The following WDFY4 variants were observed in gnomAD, a reference collection of about 807,000 sequenced individuals.
WDFY4 encodes the protein WD repeat- and FYVE domain-containing protein 4.
A neutral mutation model predicts 351.9 loss-of-function variants in WDFY4; 169 were observed. The observed-to-expected ratio is 0.48, with a 90% CI of 0.42 to 0.55. The LOEUF (loss-of-function observed/expected upper bound fraction) is 0.55. Among genes scored for constraint, WDFY4 ranks in the 20% least tolerant of loss-of-function variants. The pLI, the probability that WDFY4 is intolerant of heterozygous loss-of-function variation, is 0.00. For missense variants in WDFY4, 3,803 were observed against 3,935.6 expected (o/e 0.97, Z 0.90); for synonymous variants, 1,622 against 1,574.6 (o/e 1.03, Z -0.71).
rs934680619 is a variant in WDFY4, at chr10:48,943,353, G to A, written c.7653G>A (p.Glu2551=). 1.9e-6 allele frequency: 3 copies of A among 1,551,684 alleles called. No individual in the cohort carries two copies. The highest frequency in any genetic ancestry group is 2.6e-6 in the Non-Finnish European group (3 of 1,146,982). The change falls in exon 49 of 62, where the codon GAG becomes GAA. Residue 2551 remains glutamate (E), a synonymous_variant. Coordinates refer to ENST00000325239, the MANE Select transcript of WDFY4 (RefSeq NM_001394531.1). ...AGAAAAGGGACATCAGCAATTTTGA[G>A]TATCTCATGTACCTCAACACCGCGG... is the stretch of plus-strand genomic sequence containing the variant. ...KWQKRDISNF[E]YLMYLNTAAG...
chr10:48,974,661 A>G (rs1842488872), intron 57 of WDFY4, among the ~76,000 whole-genome samples: 1 of 152,094 alleles, frequency 6.6e-6, no homozygotes, highest in Admixed American at 6.6e-5. Context: ...CCACCCCTGG[A>G]GATGAATGAA....
At position 48,717,171 on chromosome 10, in the gene WDFY4, TGTAA is replaced by T. The variant is rs1485974581; in HGVS notation, c.235-2837_235-2834del. Among the ~76,000 whole-genome samples the T allele has an allele frequency of 2.6e-5, 4 of 152,236 alleles. No individual in the cohort carries two copies. In the South Asian group the frequency reaches 6.2e-4, roughly 24 times the overall value. ...TAATGTATGGAAGTGTAATGCATAG[TGTAA>T]GTGTTTGGCATGGCACTGAGGCCCA... On this transcript the variant is annotated intron_variant, in intron 2 of 61. Coordinates refer to ENST00000325239, the MANE Select transcript of WDFY4 (RefSeq NM_001394531.1).
intron 47 of WDFY4, among the ~76,000 whole-genome samples, chr10:48,921,284 A>G (rs1364973043): frequency 6.6e-6 from 1 of 151,102 alleles, no homozygotes; most frequent in African/African-American, 2.4e-5. Flanking sequence ...AATGGAACAG[A>G]AAATAGAGTC....
intron 52 of WDFY4, among the ~76,000 whole-genome samples, chr10:48,957,743 G>A (rs1299071870): frequency 2.0e-5 from 3 of 152,220 alleles, no homozygotes; most frequent in African/African-American, 7.2e-5. Flanking sequence ...TGGGATCCCA[G>A]GGCAGCTGGA....
In WDFY4 at chr10:48,780,131, C is replaced by T. The variant is rs1481588020; in HGVS notation, c.3576+12C>T. On this transcript the variant is annotated intron_variant, in intron 19 of 61. Coordinates refer to ENST00000325239, the MANE Select transcript of WDFY4 (RefSeq NM_001394531.1). ...TTGGCTCTGCCAAGGTGAGATGGCT[C>T]CTCCAAGCTGCACTTGCCCCACAAC... 2 of 1,551,570 alleles carry T rather than the reference C, an allele frequency of 1.3e-6. No homozygotes were observed. Among genetic ancestry groups the T allele is most frequent in the South Asian group, 1.2e-5 (1 of 84,028 alleles).
At chr10:48,776,618 T>C in intron 15 of WDFY4, 132 bp from the exon 16 acceptor site, 1 of 898,244 alleles carries the variant, frequency 1.1e-6, no homozygotes, top group South Asian at 1.8e-5. Context: ...CCCTCGCTGG[T>C]GCTTAGGAAG....
chr10:48,837,069 C>T (rs1264039641), intron 39 of WDFY4, among the ~76,000 whole-genome samples: 1 of 152,058 alleles, frequency 6.6e-6, no homozygotes, highest in Non-Finnish European at 1.5e-5. Context: ...GATGAAAACT[C>T]TCTACTATCT....
chr10:48,870,069 C>T (rs913556880), intron 40 of WDFY4, among the ~76,000 whole-genome samples: 1 of 152,168 alleles, frequency 6.6e-6, no homozygotes, highest in Non-Finnish European at 1.5e-5. Flanking sequence ...GGGGGTGGTG[C>T]CTGTTGGCCC....
chr10:48,756,394 T>A (rs1057361586), intron 12 of WDFY4, among the ~76,000 whole-genome samples: 55 of 92,880 alleles, frequency 5.9e-4, no homozygotes, highest in Non-Finnish European at 1.5e-3. Context: ...AATTATTAGT[T>A]CTAGAAGTTT....
At chr10:48,834,090 A>G (rs7080043) in intron 39 of WDFY4, among the ~76,000 whole-genome samples, 3 of 152,240 alleles carry the variant, frequency 2.0e-5, no homozygotes, top group African/African-American at 7.2e-5. Context: ...CTAAGGGCAA[A>G]GCACATGTCT....
intron 47 of WDFY4, among the ~76,000 whole-genome samples, chr10:48,939,722 A>G (rs1214408749): frequency 6.6e-6 from 1 of 152,236 alleles, no homozygotes; most frequent in Non-Finnish European, 1.5e-5. Flanking sequence ...TTTTAAAACA[A>G]TATTTTTAAA....
chr10:48,945,941 A>G (rs1162695142), intron 49 of WDFY4, 99 bp from the exon 50 acceptor site: 1 of 814,608 alleles, frequency 1.2e-6, no homozygotes, highest in Admixed American at 3.8e-5. Context: ...AGACCAAATG[A>G]CTGTAAATCA....
intron 47 of WDFY4, among the ~76,000 whole-genome samples, chr10:48,923,520 A>ATATATATATATATATAT (rs1839305652): frequency 3.0e-5 from 3 of 99,766 alleles, no homozygotes; most frequent in Non-Finnish European, 4.7e-5. Context: ...ATATGTCCCA[A>ATATATATATATATATAT]ATACCGCATA....
chr10:48,695,339 G>A (rs950223302), intron 1 of WDFY4, among the ~76,000 whole-genome samples: 12 of 152,312 alleles, frequency 7.9e-5, no homozygotes, highest in African/African-American at 2.9e-4. Context: ...AACTATGCAA[G>A]TCCAGCCAGG....
intron 22 of WDFY4, 110 bp from the exon 23 acceptor site, chr10:48,790,617 T>C: frequency 2.4e-6 from 3 of 1,269,888 alleles, no homozygotes; most frequent in Non-Finnish European, 3.3e-6. Flanking sequence ...CCTCTGGCTG[T>C]GGATGGATGG....
At chr10:48,847,286 TG>T (rs1341303147) in intron 39 of WDFY4, among the ~76,000 whole-genome samples, 1 of 152,182 alleles carries the variant, frequency 6.6e-6, no homozygotes, top group African/African-American at 2.4e-5. Flanking sequence ...CCCATCCTAA[TG>T]GCTTCACTTT....
At chr10:48,907,378 T>C (rs1336852626) in intron 47 of WDFY4, among the ~76,000 whole-genome samples, 1 of 152,192 alleles carries the variant, frequency 6.6e-6, no homozygotes, top group Non-Finnish European at 1.5e-5. Context: ...TGTGAGATGG[T>C]GCTTGTATTC....
At chr10:48,730,350 T>C (rs1015426933) in intron 8 of WDFY4, among the ~76,000 whole-genome samples, 4 of 152,132 alleles carry the variant, frequency 2.6e-5, no homozygotes, top group Non-Finnish European at 5.9e-5. Context: ...GGCCATTGGA[T>C]GGGATGCAGT....
In WDFY4 at chr10:48,788,663, G is replaced by A; in HGVS notation, c.3942G>A (p.Leu1314=). ...RNAYNEVDSR[L]IAKEMNISSR... ...CTTACAATGAGGTGGACAGCCGCCT[G>A]ATCGCCAAAGAGGTACATCTTCTAA... The change falls in exon 21 of 62, where the codon CTG becomes CTA. Residue 1314 remains leucine, a synonymous_variant. Coordinates refer to ENST00000325239, the MANE Select transcript of WDFY4 (RefSeq NM_001394531.1). The A allele has an allele frequency of 6.4e-7, 1 of 1,551,656 alleles. No homozygotes were observed. Among genetic ancestry groups the A allele is most frequent in the Admixed American group, 2.0e-5 (1 of 50,994 alleles).
Sources: gnomAD v4.1 joint callset for allele counts (sites outside exome capture counted in the v4.1 genomes callset) on GRCh38, gnomAD v4.1.1 for gene constraint, MANE v1.5 for transcripts, NCBI Gene and HGNC (gene_info 2026-07-23, HGNC 2026-07-21) for gene names.